CTNNA3: variants seen among roughly 807,000 people sequenced by gnomAD.
CTNNA3 encodes catenin alpha 3.
In CTNNA3, 76 loss-of-function variants were observed where a neutral mutation model predicts 95.7. The observed-to-expected ratio is 0.79, with a 90% CI of 0.66 to 0.96. The LOEUF is 0.96. Ranked by LOEUF, CTNNA3 falls within the 40% of genes least tolerant of loss-of-function variation. The probability of loss-of-function intolerance (pLI) is 0.00; values close to 1 mark genes in which losing one functional copy is unlikely to be tolerated. For synonymous variants in CTNNA3, 431 were observed against 374.4 expected (o/e 1.15, Z -1.74); for missense variants, 1,191 against 1,089.8 (o/e 1.09, Z -1.31).
intron 1 of CTNNA3, among the ~76,000 whole-genome samples, chr10:67,754,117 T>C (rs541038989): frequency 1.4e-4 from 22 of 152,308 alleles, no homozygotes; most frequent in African/African-American, 4.8e-4. Flanking sequence ...ATACACACCA[T>C]GGAATGCTCT....
chr10:66,326,333 T>G (rs1006841048), intron 12 of CTNNA3, among the ~76,000 whole-genome samples: 1 of 151,834 alleles, frequency 6.6e-6, no homozygotes, highest in Non-Finnish European at 1.5e-5. Context: ...CCAATAAGAG[T>G]TTCATATAAG....
chr10:66,758,374 A>G (rs1839458102), intron 9 of CTNNA3, among the ~76,000 whole-genome samples: 1 of 152,248 alleles, frequency 6.6e-6, no homozygotes, highest in Non-Finnish European at 1.5e-5. Flanking sequence ...TTCAGTATAT[A>G]TAAGCCCTAA....
intron 5 of CTNNA3, among the ~76,000 whole-genome samples, chr10:67,224,684 A>G (rs1864812027): frequency 6.6e-6 from 1 of 152,126 alleles, no homozygotes; most frequent in Admixed American, 6.5e-5. Flanking sequence ...AAAAAAAAAT[A>G]TAGAGAGGAA....
intron 13 of CTNNA3, among the ~76,000 whole-genome samples, chr10:66,138,618 C>T (rs771979602): frequency 6.6e-6 from 1 of 152,152 alleles, no homozygotes; most frequent in Non-Finnish European, 1.5e-5. Context: ...CACCTGCCAT[C>T]AGGAGTTTGA....
At chr10:66,023,103 A>T (rs1210094877) in intron 15 of CTNNA3, among the ~76,000 whole-genome samples, 1 of 149,128 alleles carries the variant, frequency 6.7e-6, no homozygotes, top group Non-Finnish European at 1.5e-5. Context: ...TAAACCAACC[A>T]TCTCTAGTAC....
At chr10:67,727,856 T>C (rs1434048235) in intron 1 of CTNNA3, among the ~76,000 whole-genome samples, 1 of 130,474 alleles carries the variant, frequency 7.7e-6, no homozygotes, top group Non-Finnish European at 1.5e-5. Flanking sequence ...TATCATATAT[T>C]ATATTATGTA....
intron 10 of CTNNA3, among the ~76,000 whole-genome samples, chr10:66,586,041 G>C (rs1251382028): frequency 1.3e-5 from 2 of 152,020 alleles, no homozygotes; most frequent in Non-Finnish European, 2.9e-5. Context: ...TGAGTTTCTT[G>C]GTTATAGAGA....
intron 7 of CTNNA3, among the ~76,000 whole-genome samples, chr10:66,817,977 G>A (rs770337587): frequency 5.9e-5 from 9 of 151,628 alleles, no homozygotes; most frequent in Middle Eastern, 3.2e-3. Flanking sequence ...AGGCAAGACC[G>A]TTTCAACATA....
chr10:67,172,841 G>A (rs891874070), intron 7 of CTNNA3, among the ~76,000 whole-genome samples: 6 of 151,978 alleles, frequency 3.9e-5, no homozygotes, highest in African/African-American at 1.5e-4. Context: ...CAGCTATGGT[G>A]GTGTACACAT....
chr10:66,114,857 C>T (rs10996903), intron 13 of CTNNA3, among the ~76,000 whole-genome samples: 25,517 of 149,512 alleles, frequency 0.17, 2,598 homozygotes, highest in South Asian at 0.38. Flanking sequence ...CCAGCCTCAG[C>T]GACAGAGTGA....
At chr10:67,016,781 T>G (rs73326959) in intron 7 of CTNNA3, among the ~76,000 whole-genome samples, 1,580 of 152,318 alleles carry the variant, frequency 0.01, 26 homozygotes, top group African/African-American at 0.035. Context: ...CTTGCTTTCT[T>G]GGAGATGACA....
intron 9 of CTNNA3, among the ~76,000 whole-genome samples, chr10:66,639,374 T>G (rs981800264): frequency 3.9e-5 from 6 of 152,198 alleles, no homozygotes; most frequent in South Asian, 2.1e-4. Context: ...CTTGCTCTGT[T>G]AGCAGGTGCT....
intron 7 of CTNNA3, among the ~76,000 whole-genome samples, chr10:66,989,400 G>C (rs1850916710): frequency 6.6e-6 from 1 of 152,134 alleles, no homozygotes; most frequent in African/African-American, 2.4e-5. Context: ...CTTGCTTCTT[G>C]ATTATATTTG....
chr10:67,539,614 T>G lies in CTNNA3; in HGVS notation c.348A>C (p.Pro116=), dbSNP rs61749224. 31,163 of 1,613,772 alleles carry G rather than the reference T, an allele frequency of 0.019. 408 individuals carry two copies. Among genetic ancestry groups the G allele is most frequent in the Middle Eastern group, 0.039 (238 of 6,056 alleles). The change falls in exon 4 of 18, where the codon CCA becomes CCC. Residue 116 remains proline (P), a synonymous_variant. Transcript: ENST00000433211. ...CAGCTTGAACCACAGCCTCCCTTTT[T>G]GGGAGAAAACAGGGGTCATCTGTAA... The part of the protein sequence containing the change: ...ERFTDDPCFL[P]KREAVVQAAR...
intron 13 of CTNNA3, among the ~76,000 whole-genome samples, chr10:66,268,035 T>C (rs2091195346): frequency 6.6e-6 from 1 of 152,158 alleles, no homozygotes; most frequent in Non-Finnish European, 1.5e-5. Flanking sequence ...ACTGTTTAAA[T>C]TGACTTATGG....
rs576754592 is a variant in CTNNA3 at position 66,075,379 on chromosome 10, C to T, written c.1978-5890G>A. On this transcript the variant is annotated intron_variant, in intron 14 of 17. Coordinates refer to ENST00000433211, the MANE Select transcript of CTNNA3 (RefSeq NM_013266.4). ...ATTAGTTATACAGCAATTAACAATC[C>T]TAAACCCCAGTTTCATATGTTAAAT... 2.5e-4 allele frequency among the ~76,000 whole-genome samples: 38 copies of T among 151,800 alleles called. No homozygotes were observed. The South Asian group carries it at 5.2e-3, about 21-fold the overall frequency.
chr10:67,735,602 C>T (rs938105513), intron 1 of CTNNA3, among the ~76,000 whole-genome samples: 4 of 151,878 alleles, frequency 2.6e-5, no homozygotes, highest in Admixed American at 6.6e-5. Flanking sequence ...CAATGAGATA[C>T]CACACCACAT....
intron 5 of CTNNA3, among the ~76,000 whole-genome samples, chr10:67,426,470 A>C (rs2132882414): frequency 6.6e-6 from 1 of 152,226 alleles, no homozygotes; most frequent in East Asian, 1.9e-4. Flanking sequence ...AAGAAAGAGT[A>C]GAAAGTTGGT....
At chr10:66,683,941 G>A (rs2394294) in intron 9 of CTNNA3, among the ~76,000 whole-genome samples, 136,699 of 152,212 alleles carry the variant, frequency 0.9, 61,588 homozygotes, top group East Asian at 1. Flanking sequence ...AATGCTTTGC[G>A]ATTGAACCTA....
Sources: allele counts gnomAD v4.1 joint callset (sites outside exome capture counted in the v4.1 genomes callset), GRCh38; gene constraint gnomAD v4.1.1; transcripts MANE v1.5; gene names NCBI Gene and HGNC (gene_info 2026-07-23, HGNC 2026-07-21).